Variants in CTNNA2 observed in about 807,000 individuals in gnomAD.
CTNNA2 encodes the protein catenin alpha 2, also known as catenin alpha-2.
In CTNNA2, 42 loss-of-function variants were observed where a neutral mutation model predicts 101.0. The ratio of observed to expected loss-of-function variants is 0.42; its 90% confidence interval spans 0.32 to 0.54. The LOEUF (loss-of-function observed/expected upper bound fraction) is 0.54. CTNNA2 is among the 20% of genes least tolerant of loss of function. The pLI is 0.14. For synonymous variants in CTNNA2, 450 were observed against 456.4 expected, an observed-to-expected ratio of 0.99 and a Z score of 0.18; for missense variants, 871 against 1,223.1, an observed-to-expected ratio of 0.71 and a Z score of 4.29.
chr2:80,222,543 T>A (rs906836461), intron 7 of CTNNA2, among the ~76,000 whole-genome samples: 1 of 152,310 alleles, frequency 6.6e-6, no homozygotes, highest in African/African-American at 2.4e-5. Flanking sequence ...AACTAGTTAA[T>A]GGCAAAGACA....
chr2:79,660,319 A>G (rs1417026466), intron 2 of CTNNA2, among the ~76,000 whole-genome samples: 3 of 150,556 alleles, frequency 2.0e-5, no homozygotes, highest in South Asian at 4.2e-4. Flanking sequence ...GTGTATATAC[A>G]TATGTATGTG....
intron 9 of CTNNA2, among the ~76,000 whole-genome samples, chr2:80,490,437 T>G (rs1214639851): frequency 6.6e-6 from 1 of 152,096 alleles, no homozygotes; most frequent in African/African-American, 2.4e-5. Context: ...TAAAATAACT[T>G]TATTTGAGGA....
At chr2:79,339,077 C>T (rs1052391745) in intron 3 of CTNNA2, among the ~76,000 whole-genome samples, 1 of 152,056 alleles carries the variant, frequency 6.6e-6, no homozygotes, top group East Asian at 1.9e-4. Flanking sequence ...AAATCACTCA[C>T]GTGGAGAAGT....
chr2:79,795,482 A>G (rs912687292), intron 3 of CTNNA2, among the ~76,000 whole-genome samples: 3 of 152,096 alleles, frequency 2.0e-5, no homozygotes, highest in East Asian at 3.8e-4. Context: ...ATTTAAGGGT[A>G]TAAGAAAAAT....
intron 7 of CTNNA2, among the ~76,000 whole-genome samples, chr2:80,035,409 G>A (rs762402441): frequency 6.6e-6 from 1 of 152,248 alleles, no homozygotes; most frequent in African/African-American, 2.4e-5. Context: ...ACTTAGCAAG[G>A]TATTTGGTTC....
At chr2:79,799,432 T>C (rs1279936972) in intron 3 of CTNNA2, among the ~76,000 whole-genome samples, 1 of 152,192 alleles carries the variant, frequency 6.6e-6, no homozygotes, top group Admixed American at 6.5e-5. Context: ...TTTTTGTTTT[T>C]TCTGCAAAAA....
At chr2:79,478,993 A>C (rs1671080941) in intron 4 of CTNNA2, among the ~76,000 whole-genome samples, 1 of 152,184 alleles carries the variant, frequency 6.6e-6, no homozygotes, top group African/African-American at 2.4e-5. Context: ...TTAATGTATC[A>C]ACCTTACTGA....
chr2:79,201,714 A>T (rs2104181193), intron 2 of CTNNA2, among the ~76,000 whole-genome samples: 1 of 152,248 alleles, frequency 6.6e-6, no homozygotes, highest in Non-Finnish European at 1.5e-5. Context: ...GCTGGTACCA[A>T]GCCCTAATAG....
chr2:79,646,716 T>G (rs1680850268), intron 1 of CTNNA2, among the ~76,000 whole-genome samples: 1 of 151,812 alleles, frequency 6.6e-6, no homozygotes, highest in East Asian at 1.9e-4. Flanking sequence ...TTTTTGTAGA[T>G]ATTGGTCTCA....
chr2:80,075,517 T>C (rs1698617541), intron 7 of CTNNA2, among the ~76,000 whole-genome samples: 1 of 147,876 alleles, frequency 6.8e-6, no homozygotes, highest in African/African-American at 2.5e-5. Flanking sequence ...TAGCACATAG[T>C]CATCAAAAAA....
At chr2:79,282,406 G>A (rs934687776) in intron 2 of CTNNA2, among the ~76,000 whole-genome samples, 22 of 150,570 alleles carry the variant, frequency 1.5e-4, no homozygotes, top group South Asian at 1.3e-3. Context: ...ATCCCTCCCC[G>A]CTCCCCCCAC....
chr2:80,297,372 C>T (rs1675840606), intron 7 of CTNNA2, among the ~76,000 whole-genome samples: 1 of 152,166 alleles, frequency 6.6e-6, no homozygotes, highest in African/African-American at 2.4e-5. Context: ...TTCTGTAAGC[C>T]TCAGGTTCTT....
At chr2:80,541,864 A>C (rs1691584307) in intron 9 of CTNNA2, among the ~76,000 whole-genome samples, 1 of 79,932 alleles carries the variant, frequency 1.3e-5, no homozygotes, top group African/African-American at 4.7e-5. Context: ...TTGATATAAT[A>C]CTTTGTGGCT....
At chr2:79,822,720 G>T (rs1009510310) in intron 3 of CTNNA2, among the ~76,000 whole-genome samples, 2 of 152,026 alleles carry the variant, frequency 1.3e-5, no homozygotes, top group Admixed American at 6.6e-5. Context: ...GCCGCTAGTG[G>T]CCTTTTCTCT....
At chr2:80,250,631 G>A (rs56871033) in intron 7 of CTNNA2, among the ~76,000 whole-genome samples, 2,905 of 152,178 alleles carry the variant, frequency 0.019, 106 homozygotes, top group African/African-American at 0.066. Context: ...GATGCTATGG[G>A]CCAGTGGAGA....
chr2:79,645,732 A>G (rs1169640198), intron 1 of CTNNA2, among the ~76,000 whole-genome samples: 2 of 152,224 alleles, frequency 1.3e-5, no homozygotes, highest in African/African-American at 4.8e-5. Flanking sequence ...TGCATGTGCA[A>G]TTATTCTACC....
intron 4 of CTNNA2, among the ~76,000 whole-genome samples, chr2:79,491,393 T>C (rs1482194527): frequency 6.6e-6 from 1 of 152,210 alleles, no homozygotes; most frequent in Non-Finnish European, 1.5e-5. Context: ...ATACCATCTT[T>C]GTTGAGAACA....
chr2:80,569,158 T>C (rs1368895), intron 12 of CTNNA2, among the ~76,000 whole-genome samples: 141,603 of 152,162 alleles, frequency 0.93, 65,952 homozygotes, highest in South Asian at 0.96. Context: ...TGAAACTTCA[T>C]CCCTGACGTC....
At chr2:79,781,948 A>AATATTTTAAGGGG (rs1674476707) in intron 3 of CTNNA2, among the ~76,000 whole-genome samples, 1 of 84,286 alleles carries the variant, frequency 1.2e-5, no homozygotes, top group South Asian at 5.8e-4. Context: ...TTTACTCAAT[A>AATATTTTAAGGGG]ATCTAAAAAT....
Sources: gnomAD v4.1 joint callset for allele counts (sites outside exome capture counted in the v4.1 genomes callset) on GRCh38, gnomAD v4.1.1 for gene constraint, MANE v1.5 for transcripts, NCBI Gene and HGNC (gene_info 2026-07-23, HGNC 2026-07-21) for gene names.